Variants in CHAF1A observed in about 807,000 individuals in gnomAD.
The protein encoded by CHAF1A is CAF-1 subunit A.
CHAF1A carries 5 observed loss-of-function variants against 93.2 expected under a neutral mutation model. The ratio of observed to expected loss-of-function variants is 0.05; its 90% CI spans 0.03 to 0.11. CHAF1A has a LOEUF of 0.11. Ranked by LOEUF, CHAF1A falls within the 10% of genes least tolerant of loss-of-function variation. The probability of loss-of-function intolerance (pLI) is 1.00; values close to 1 mark genes in which losing one functional copy is unlikely to be tolerated. For missense variants in CHAF1A, 1,102 were observed against 1,259.9 expected, an observed-to-expected ratio of 0.87 and a Z score of 1.90; for synonymous variants, 504 against 510.3, an observed-to-expected ratio of 0.99 and a Z score of 0.17.
At chr19:4,407,872 C>T (rs942894978) in intron 2 of CHAF1A, among the ~76,000 whole-genome samples, 8 of 152,070 alleles carry the variant, frequency 5.3e-5, no homozygotes, top group Admixed American at 4.6e-4. Flanking sequence ...AGCTTGAACC[C>T]AGGAGGTGGA....
intron 10 of CHAF1A, chr19:4,430,004 G>T: frequency 3.8e-6 from 2 of 532,222 alleles, no homozygotes; most frequent in South Asian, 2.1e-5. Flanking sequence ...CGTGGCTGCT[G>T]GGGATGGGAT....
At position 4,415,005 on chromosome 19, in the gene CHAF1A, G is replaced by A. The variant is rs576601405; in HGVS notation, c.961-3015G>A. Reference sequence around the variant, plus strand: ...GGCTCTGAGAGGATTATCTGAGAAAGGGTGCAGGAATTTTCATGCCCACAC... The same window carrying A: ...GGCTCTGAGAGGATTATCTGAGAAAAGGTGCAGGAATTTTCATGCCCACAC... On this transcript the variant is annotated intron_variant, in intron 3 of 14. Coordinates refer to ENST00000301280, the MANE Select transcript of CHAF1A (RefSeq NM_005483.3). 4.6e-3 allele frequency among the ~76,000 whole-genome samples: 695 copies of A among 152,290 alleles called. 2 individuals carry two copies. Among genetic ancestry groups the A allele is most frequent in the Middle Eastern group, 0.017 (5 of 294 alleles).
downstream of CHAF1A, chr19:4,445,306 C>T (rs1599670810): frequency 1.1e-6 from 1 of 935,234 alleles, no homozygotes; most frequent in Non-Finnish European, 1.6e-6. Flanking sequence ...TGGGCGCATC[C>T]CCACAGCCCC....
intron 2 of CHAF1A, 22 bp downstream of exon 2, chr19:4,405,984 A>G: frequency 3.8e-6 from 6 of 1,597,550 alleles, no homozygotes; most frequent in East Asian, 4.5e-5. Flanking sequence ...GAAATGGGTT[A>G]AAGAGTTGTT....
chr19:4,433,101 C>T lies in CHAF1A; in HGVS notation c.2235C>T (p.Gly745=), dbSNP rs776193122. The T allele has an allele frequency of 1.9e-6, 3 of 1,597,796 alleles. No individual in the cohort carries two copies. The highest frequency in any genetic ancestry group is 1.1e-5 in the South Asian group (1 of 90,166). The change falls in exon 13 of 15, where the codon GGC becomes GGT. Residue 745 remains glycine (G), a synonymous_variant. Transcript: ENST00000301280. This position sits in a 1 kb window ranked among gnomAD's most constrained non-coding sequence, Gnocchi z 5.6. ...ILAQLLPLLH[G]NVNGSKVIIR... ...CCCAGCTGCTGCCGCTCCTGCACGG[C>T]AATGTGAACGGGAGCAAGGTCATCA... is the stretch of plus-strand genomic sequence containing the variant.
chr19:4,409,556 A>G lies in CHAF1A; in HGVS notation c.757A>G (p.Ile253Val), dbSNP rs1973752061. The change falls in exon 3 of 15, where the codon ATC becomes GTC. Residue 253 changes from isoleucine (I) to valine (V), a missense_variant. Physicochemically the swap from Ile to Val is conservative, Grantham distance 29. This residue lies in a region of CHAF1A where 379 missense variants were observed against 365.7 expected (regional missense o/e 1.04). Coordinates refer to ENST00000301280, the MANE Select transcript of CHAF1A (RefSeq NM_005483.3). ...CATCTTGGCTGTGAGACCACCGCAA[A>G]TCAAGTCCCTTCCAGCCACACCCCA... ...QDILAVRPPQ[I>V]KSLPATPQGK... is the part of the protein sequence containing the mutation. 6.2e-7 allele frequency: 1 copy of G among 1,613,886 alleles called. No homozygotes were observed. The highest frequency in any genetic ancestry group is 8.5e-7 in the Non-Finnish European group (1 of 1,180,000).
At chr19:4,437,778 C>T (rs1470190437) in intron 13 of CHAF1A, among the ~76,000 whole-genome samples, 4 of 150,754 alleles carry the variant, frequency 2.7e-5, no homozygotes, top group East Asian at 2.0e-4. Context: ...CTCGCTCTGT[C>T]GCCCAGGCTG....
intron 2 of CHAF1A, among the ~76,000 whole-genome samples, chr19:4,408,452 G>A (rs1026569559): frequency 1.2e-5 from 1 of 84,526 alleles, no homozygotes; most frequent in East Asian, 4.5e-4. Flanking sequence ...TTGGCCTCCC[G>A]CACCCGGCCT....
intron 10 of CHAF1A, among the ~76,000 whole-genome samples, 185 bp from the exon 11 acceptor site, chr19:4,430,364 G>A (rs1324372701): frequency 6.6e-5 from 10 of 152,046 alleles, no homozygotes; most frequent in Non-Finnish European, 1.2e-4. Context: ...TTTTAGTAGA[G>A]ACAGAGTTTT....
chr19:4,429,477 T>C lies in CHAF1A; in HGVS notation c.1644T>C (p.Val548=). Residue 548 remains valine, a synonymous_variant, in exon 9 of 15, where the codon GTT becomes GTC. Transcript: ENST00000301280. ...VIVERGKGDG[V]PERRKFGRMK... is the part of the protein sequence containing the mutation. ...TGGAGCGTGGGAAGGGCGACGGTGT[T>C]CCCGAGAGGAGGAAGTTTGGCAGGA... The C allele has an allele frequency of 6.2e-7, 1 of 1,613,944 alleles. No homozygotes were observed. Among genetic ancestry groups the C allele is most frequent in the Non-Finnish European group, 8.5e-7 (1 of 1,180,002 alleles).
At chr19:4,445,907 G>C, downstream of CHAF1A, 1 of 1,361,732 alleles carries the variant, frequency 7.3e-7, no homozygotes, top group East Asian at 2.4e-5. Flanking sequence ...CAGTAAGTGG[G>C]AAAGCAGGAT....
intron 3 of CHAF1A, among the ~76,000 whole-genome samples, chr19:4,416,797 A>C (rs557253681): frequency 2.2e-4 from 34 of 152,260 alleles, no homozygotes; most frequent in African/African-American, 7.9e-4. Flanking sequence ...AAGCTGAGGC[A>C]GGAGAATCGC....
At chr19:4,437,889 A>G (rs578212695) in intron 13 of CHAF1A, among the ~76,000 whole-genome samples, 73 of 152,084 alleles carry the variant, frequency 4.8e-4, no homozygotes, top group Admixed American at 6.5e-4. Flanking sequence ...ACAGGCGCCC[A>G]CCACCACGCC....
downstream of CHAF1A, chr19:4,448,654 T>C: frequency 1.8e-6 from 1 of 558,524 alleles, no homozygotes; most frequent in Non-Finnish European, 3.2e-6. Flanking sequence ...TTCCGCCTTC[T>C]CAAGGCTAGA....
chr19:4,442,779 G>A (rs1003431559), intron 14 of CHAF1A, 146 bp from the exon 15 acceptor site: 44 of 615,206 alleles, frequency 7.2e-5, no homozygotes, highest in East Asian at 5.9e-4. Flanking sequence ...GAGGCACAAC[G>A]CCCCAGCCTC....
intron 2 of CHAF1A, among the ~76,000 whole-genome samples, chr19:4,407,239 A>G (rs1188482065): frequency 1.8e-5 from 2 of 111,646 alleles, no homozygotes; most frequent in African/African-American, 6.3e-5. Context: ...CTCCCCCCAC[A>G]CCCCCCCCAA....
At chr19:4,438,749 C>G (rs551869171) in intron 13 of CHAF1A, among the ~76,000 whole-genome samples, 3 of 152,076 alleles carry the variant, frequency 2.0e-5, no homozygotes, top group African/African-American at 7.2e-5. Context: ...TTTGGGAGGC[C>G]GAGGTGGGTG....
chr19:4,423,081 G>T (rs535472874), intron 5 of CHAF1A, among the ~76,000 whole-genome samples: 17 of 152,248 alleles, frequency 1.1e-4, no homozygotes, highest in African/African-American at 3.1e-4. Context: ...GCAGGATTGT[G>T]GGTTTTGTCT....
chr19:4,421,221 G>A lies in CHAF1A; in HGVS notation c.1018-1345G>A, dbSNP rs908165527. Among the ~76,000 whole-genome samples, 46 of 151,994 alleles carry A rather than the reference G, an allele frequency of 3.0e-4. 1 individual carries two copies. The highest frequency in any genetic ancestry group is 1.1e-3 in the African/African-American group (46 of 41,476). ...TGAGTAGCTGGGACTATAGGTGTGCGCCACCACATTCAGCTAATTTTTTTG... is the reference window on the plus strand; with the variant it reads ...TGAGTAGCTGGGACTATAGGTGTGCACCACCACATTCAGCTAATTTTTTTG... On this transcript the variant is annotated intron_variant, in intron 4 of 14. Coordinates refer to ENST00000301280, the MANE Select transcript of CHAF1A (RefSeq NM_005483.3).
Sources: allele counts gnomAD v4.1 joint callset (sites outside exome capture counted in the v4.1 genomes callset), GRCh38; gene constraint gnomAD v4.1.1; regional missense constraint gnomAD v4.1.1; non-coding constraint Gnocchi (gnomAD v3.1); transcripts MANE v1.5; gene names NCBI Gene and HGNC (gene_info 2026-07-23, HGNC 2026-07-21).